Variants in CCSER1 observed in about 807,000 individuals in gnomAD.
CCSER1 encodes the protein coiled-coil serine rich protein 1, also known as serine-rich coiled-coil domain-containing protein 1.
Under a neutral mutation model 82.0 loss-of-function variants are expected in CCSER1, and 41 were observed. The ratio of observed to expected loss-of-function variants is 0.50; its 90% CI spans 0.39 to 0.65. The LOEUF is 0.65. Ranked by LOEUF, CCSER1 falls within the 30% of genes least tolerant of loss-of-function variation. The pLI, the probability that CCSER1 is intolerant of heterozygous loss-of-function variation, is 0.00. For missense variants in CCSER1, 1,119 were observed against 1,064.2 expected, an observed-to-expected ratio of 1.05 and a Z score of -0.72; for synonymous variants, 414 against 383.9, an observed-to-expected ratio of 1.08 and a Z score of -0.92.
intron 4 of CCSER1, among the ~76,000 whole-genome samples, chr4:90,427,274 A>C (rs1341312257): frequency 6.6e-6 from 1 of 151,846 alleles, no homozygotes; most frequent in African/African-American, 2.4e-5. Context: ...AAAAAATAAT[A>C]GTTTAGGAAA....
chr4:91,011,685 G>A (rs1214327743), intron 9 of CCSER1, among the ~76,000 whole-genome samples: 1 of 134,438 alleles, frequency 7.4e-6, no homozygotes, highest in East Asian at 2.4e-4. Context: ...GGCCCAAGGA[G>A]CAAGGTGTAG....
chr4:91,060,717 C>T (rs1468058364), intron 9 of CCSER1, among the ~76,000 whole-genome samples: 1 of 151,956 alleles, frequency 6.6e-6, no homozygotes, highest in Non-Finnish European at 1.5e-5. Flanking sequence ...GTGTCCTCAT[C>T]CAGATACTTA....
At chr4:91,482,246 C>A (rs1757964829) in intron 10 of CCSER1, among the ~76,000 whole-genome samples, 1 of 137,300 alleles carries the variant, frequency 7.3e-6, no homozygotes, top group East Asian at 2.2e-4. Context: ...ACTAAAAATA[C>A]AAAAAATTAG....
intron 6 of CCSER1, among the ~76,000 whole-genome samples, chr4:90,699,202 G>A (rs1268397947): frequency 6.6e-6 from 1 of 152,166 alleles, no homozygotes; most frequent in Non-Finnish European, 1.5e-5. Flanking sequence ...CTTGGCTCAT[G>A]TCTGTAATCC....
intron 9 of CCSER1, among the ~76,000 whole-genome samples, chr4:91,044,931 T>G (rs886140271): frequency 9.9e-5 from 15 of 152,214 alleles, no homozygotes; most frequent in Non-Finnish European, 2.2e-4. Context: ...TGCCTATGTG[T>G]CTTGTCTGTT....
At chr4:91,240,237 G>A (rs1739302388) in intron 10 of CCSER1, among the ~76,000 whole-genome samples, 1 of 61,554 alleles carries the variant, frequency 1.6e-5, no homozygotes, top group Non-Finnish European at 2.8e-5. Context: ...CACCACGCCC[G>A]GCTAATTTTT....
At chr4:91,164,781 C>T (rs1398146621) in intron 10 of CCSER1, among the ~76,000 whole-genome samples, 6 of 152,134 alleles carry the variant, frequency 3.9e-5, no homozygotes, top group Admixed American at 3.9e-4. Context: ...TCAGCTCCAT[C>T]AGGTCATTTA....
chr4:90,745,051 T>C (rs1747187136), intron 7 of CCSER1, among the ~76,000 whole-genome samples: 1 of 152,130 alleles, frequency 6.6e-6, no homozygotes, highest in Non-Finnish European at 1.5e-5. Flanking sequence ...CTCGGTGGCT[T>C]AAAACAGCAC....
intron 9 of CCSER1, among the ~76,000 whole-genome samples, chr4:90,957,375 C>G (rs1733571312): frequency 6.8e-6 from 1 of 147,382 alleles, no homozygotes. Context: ...GCTGGGATTA[C>G]AGGCGTGAGC....
chr4:90,230,669 T>C (rs1160952478), intron 1 of CCSER1, among the ~76,000 whole-genome samples: 2 of 148,514 alleles, frequency 1.3e-5, no homozygotes, highest in African/African-American at 2.5e-5. Context: ...TTCAAAAAAT[T>C]AATGAATCCA....
chr4:91,151,151 G>A (rs564120735), intron 10 of CCSER1, among the ~76,000 whole-genome samples: 4 of 152,112 alleles, frequency 2.6e-5, no homozygotes, highest in Admixed American at 6.5e-5. Flanking sequence ...TTCAGAGTCT[G>A]TTAGTGATCT....
In CCSER1 at chr4:91,508,124, A is replaced by C. The variant is rs558645443; in HGVS notation, c.2218-90448A>C. ...AAACTCCAGTATGATATTGGATAGA[A>C]GTGTCTAGGACAGAGATCCTTTTTT... On this transcript the variant is annotated intron_variant, in intron 10 of 10. Transcript: ENST00000509176. 3.5e-5 allele frequency among the ~76,000 whole-genome samples: 5 copies of C among 144,378 alleles called. No homozygotes were observed. The South Asian group carries it at 6.5e-4, about 19-fold the overall frequency. 94.7% of individuals were successfully genotyped at this position (144,378 alleles called of 152,430 possible).
intron 3 of CCSER1, among the ~76,000 whole-genome samples, chr4:90,324,302 C>T (rs1404315587): frequency 1.3e-5 from 2 of 151,488 alleles, no homozygotes. Flanking sequence ...TCAAAGTGTT[C>T]CTATTTCTCC....
intron 3 of CCSER1, among the ~76,000 whole-genome samples, chr4:90,399,562 A>G (rs1752514670): frequency 6.6e-6 from 1 of 152,144 alleles, no homozygotes; most frequent in African/African-American, 2.4e-5. Context: ...AAATATAAAT[A>G]TTAGAAAAAG....
chr4:90,787,315 T>C (rs1337608979), intron 7 of CCSER1, among the ~76,000 whole-genome samples: 1 of 152,152 alleles, frequency 6.6e-6, no homozygotes, highest in Admixed American at 6.6e-5. Context: ...TGAGATCTAA[T>C]GCACCCATTA....
intron 10 of CCSER1, among the ~76,000 whole-genome samples, chr4:91,373,504 CTGTCAAATA>C (rs1750184201): frequency 6.6e-6 from 1 of 152,148 alleles, no homozygotes; most frequent in Non-Finnish European, 1.5e-5. Flanking sequence ...TTTTGGGACA[CTGTCAAATA>C]TGTCTATAGA....
intron 7 of CCSER1, among the ~76,000 whole-genome samples, chr4:90,757,933 C>CTTTTTTTTTTTTTTTTTT (rs200053849): frequency 7.3e-6 from 1 of 136,490 alleles, no homozygotes. Flanking sequence ...GTTTCCTTTT[C>CTTTTTTTTTTTTTTTTTT]TTTTTTTTTT....
At chr4:90,252,821 T>C (rs750605371) in intron 1 of CCSER1, among the ~76,000 whole-genome samples, 33 of 152,004 alleles carry the variant, frequency 2.2e-4, no homozygotes, top group Non-Finnish European at 4.0e-4. Context: ...TGTGTCTATT[T>C]CTACTAACTT....
intron 7 of CCSER1, among the ~76,000 whole-genome samples, chr4:90,770,468 A>G (rs564205217): frequency 2.0e-5 from 3 of 152,364 alleles, no homozygotes; most frequent in East Asian, 1.9e-4. Context: ...CAATATTTCA[A>G]TAATAACATA....
Sources: gnomAD v4.1 joint callset for allele counts (sites outside exome capture counted in the v4.1 genomes callset) on GRCh38, gnomAD v4.1.1 for gene constraint, MANE v1.5 for transcripts, NCBI Gene and HGNC (gene_info 2026-07-23, HGNC 2026-07-21) for gene names.